The following TBC1D12 variants were observed in gnomAD, a reference collection of about 807,000 sequenced individuals.
The protein encoded by TBC1D12 is TBC1 domain family, member 12.
In TBC1D12, 56 loss-of-function variants were observed where a neutral mutation model predicts 86.7. The ratio of observed to expected loss-of-function variants is 0.65; its 90% confidence interval spans 0.52 to 0.81. The LOEUF (loss-of-function observed/expected upper bound fraction) is 0.81, where lower values mean the gene tolerates loss of function less well. TBC1D12 is among the 30% of genes least tolerant of loss of function. The pLI is 0.00. For synonymous variants in TBC1D12, 421 were observed against 411.7 expected (o/e 1.02, Z -0.27); for missense variants, 1,023 against 1,038.8 (o/e 0.98, Z 0.21).
At chr10:94,518,931 C>T (rs923795309) in intron 9 of TBC1D12, among the ~76,000 whole-genome samples, 2 of 152,162 alleles carry the variant, frequency 1.3e-5, no homozygotes, top group East Asian at 3.9e-4. Context: ...AAAAATTAGC[C>T]AGGCGTGGTG....
Position 94,507,259 on chromosome 10 carries a change from A to G in TBC1D12, c.1520-8A>G. ...TTCATACATTTTTGTTCTCCCCCCA[A>G]CCCCCAGAACTTTATGAAATCTTCC... On this transcript the variant is annotated splice_region_variant and splice_polypyrimidine_tract_variant and intron_variant, in intron 6 of 12. Coordinates refer to ENST00000225235, the MANE Select transcript of TBC1D12 (RefSeq NM_015188.2). The G allele has an allele frequency of 6.2e-7, 1 of 1,600,714 alleles. No individual in the cohort carries two copies. Among genetic ancestry groups the G allele is most frequent in the Non-Finnish European group, 8.5e-7 (1 of 1,177,292 alleles).
chr10:94,525,481 G>A lies in TBC1D12; in HGVS notation c.2000+3028G>A, dbSNP rs903571350. ...ACGCCGGATGTGGTGGCCTGTGCCTGTAGTCCCAGCCACTCGGGAGGCTGA... is the reference window on the plus strand; with the variant it reads ...ACGCCGGATGTGGTGGCCTGTGCCTATAGTCCCAGCCACTCGGGAGGCTGA... On this transcript the variant is annotated intron_variant, in intron 11 of 12. Coordinates refer to ENST00000225235, the MANE Select transcript of TBC1D12 (RefSeq NM_015188.2). 9.7e-4 allele frequency among the ~76,000 whole-genome samples: 148 copies of A among 151,988 alleles called. 1 individual carries two copies. Among genetic ancestry groups the A allele is most frequent in the African/African-American group, 3.5e-3 (146 of 41,462 alleles).
intron 3 of TBC1D12, among the ~76,000 whole-genome samples, chr10:94,488,476 C>T (rs1049238173): frequency 2.8e-5 from 4 of 144,362 alleles, no homozygotes; most frequent in Non-Finnish European, 4.5e-5. Flanking sequence ...CTGCAACCTC[C>T]GCCTCCTGGG....
intron 1 of TBC1D12, among the ~76,000 whole-genome samples, chr10:94,431,184 G>C (rs1165418150): frequency 6.6e-6 from 1 of 152,106 alleles, no homozygotes; most frequent in Non-Finnish European, 1.5e-5. Context: ...GGATGCCGAG[G>C]TGGTTGGATC....
intron 7 of TBC1D12, among the ~76,000 whole-genome samples, 171 bp downstream of exon 7, chr10:94,507,518 T>C (rs2056474618): frequency 6.6e-6 from 1 of 152,112 alleles, no homozygotes; most frequent in African/African-American, 2.4e-5. Flanking sequence ...GTAAGTATCA[T>C]CCTAAGACCT....
At chr10:94,404,387 T>C (rs1214481860) in intron 1 of TBC1D12, among the ~76,000 whole-genome samples, 1 of 152,220 alleles carries the variant, frequency 6.6e-6, no homozygotes, top group Non-Finnish European at 1.5e-5. Flanking sequence ...GGCTCACGCC[T>C]GTAATTCCAG....
intron 1 of TBC1D12, among the ~76,000 whole-genome samples, chr10:94,426,618 C>T (rs2055149777): frequency 6.6e-6 from 1 of 152,016 alleles, no homozygotes; most frequent in South Asian, 2.1e-4. Flanking sequence ...ACTTTGTCAC[C>T]CAGGCTGGAG....
chr10:94,527,891 G>C (rs1842335810), intron 11 of TBC1D12, among the ~76,000 whole-genome samples: 1 of 152,014 alleles, frequency 6.6e-6, no homozygotes, highest in Admixed American at 6.6e-5. Flanking sequence ...TAGATAATGT[G>C]GATTAACTTC....
At chr10:94,530,440 G>C (rs550180579) in intron 11 of TBC1D12, among the ~76,000 whole-genome samples, 14 of 152,272 alleles carry the variant, frequency 9.2e-5, no homozygotes, top group Non-Finnish European at 1.6e-4. Context: ...AGAGAAGTCA[G>C]ACTTTGAGTT....
chr10:94,493,323 T>A (rs2056270739), intron 3 of TBC1D12, 42 bp from the exon 4 acceptor site: 3 of 1,470,218 alleles, frequency 2.0e-6, no homozygotes, highest in Middle Eastern at 1.8e-4. Context: ...TGAAAGTTAA[T>A]CTTTTAAAAA....
chr10:94,484,351 G>T (rs539122400), intron 3 of TBC1D12, among the ~76,000 whole-genome samples: 4 of 151,150 alleles, frequency 2.6e-5, no homozygotes, highest in Middle Eastern at 3.4e-3. Flanking sequence ...GGGTTCAAGC[G>T]ATTCTCCTGC....
chr10:94,483,890 T>G (rs1589649157), intron 3 of TBC1D12, among the ~76,000 whole-genome samples: 1 of 152,234 alleles, frequency 6.6e-6, no homozygotes, highest in East Asian at 1.9e-4. Context: ...CAGTGTTTTC[T>G]TCTGGTAGTT....
At chr10:94,419,234 A>C (rs537872764) in intron 1 of TBC1D12, among the ~76,000 whole-genome samples, 54 of 152,284 alleles carry the variant, frequency 3.5e-4, no homozygotes, top group African/African-American at 1.3e-3. Context: ...GGATTTGTAC[A>C]TTTACTATTA....
chr10:94,499,676 CTT>C (rs1259469906), intron 5 of TBC1D12, among the ~76,000 whole-genome samples: 1 of 152,132 alleles, frequency 6.6e-6, no homozygotes, highest in Non-Finnish European at 1.5e-5. Flanking sequence ...AGTCTTAGAA[CTT>C]TTATAAGGTG....
chr10:94,507,188 G>A (rs1213788556), intron 6 of TBC1D12, 79 bp from the exon 7 acceptor site: 73 of 1,410,878 alleles, frequency 5.2e-5, no homozygotes, highest in Non-Finnish European at 6.8e-5. Flanking sequence ...CCTGTAATAG[G>A]TAAAGAGTAA....
At chr10:94,506,751 T>C (rs779483256) in intron 6 of TBC1D12, among the ~76,000 whole-genome samples, 3 of 152,196 alleles carry the variant, frequency 2.0e-5, no homozygotes, top group Non-Finnish European at 4.4e-5. Context: ...GAGAAACCAG[T>C]TTCAGTAGTG....
Position 94,465,876 on chromosome 10 carries a change from A to G in TBC1D12, c.1096-8792A>G, listed in dbSNP as rs114539536. On this transcript the variant is annotated intron_variant, in intron 2 of 12. Transcript: ENST00000225235. ...CATGCATACATACATATATACACAT[A>G]CATGTATGTATATACATACATACGC... Among the ~76,000 whole-genome samples, 447 of 151,230 alleles carry G rather than the reference A, an allele frequency of 3.0e-3. 3 individuals carry two copies. Among genetic ancestry groups the G allele is most frequent in the African/African-American group, 0.01 (419 of 41,308 alleles).
chr10:94,454,708 GTGAT>G (rs1462486437), intron 2 of TBC1D12, among the ~76,000 whole-genome samples: 10 of 152,160 alleles, frequency 6.6e-5, no homozygotes, highest in Non-Finnish European at 1.3e-4. Flanking sequence ...TTGTAAGAAA[GTGAT>G]TGACTTTTGT....
intron 1 of TBC1D12, among the ~76,000 whole-genome samples, chr10:94,416,477 A>G (rs562234134): frequency 5.9e-5 from 9 of 152,334 alleles, no homozygotes; most frequent in Middle Eastern, 3.4e-3. Context: ...ATACAATTCA[A>G]TTCATTTACA....
Sources: allele counts gnomAD v4.1 joint callset (sites outside exome capture counted in the v4.1 genomes callset), GRCh38; gene constraint gnomAD v4.1.1; transcripts MANE v1.5; gene names NCBI Gene and HGNC (gene_info 2026-07-23, HGNC 2026-07-21).